Variants in PCDHGB3 observed in about 807,000 individuals in gnomAD.
The protein encoded by PCDHGB3 is protocadherin gamma-B3.
In PCDHGB3, 40 loss-of-function variants were observed where a neutral mutation model predicts 59.2. The observed-to-expected ratio is 0.68, with a 90% confidence interval of 0.52 to 0.88. The LOEUF is 0.88. Among genes scored for constraint, PCDHGB3 ranks in the 40% least tolerant of loss-of-function variants. The probability of loss-of-function intolerance (pLI) is 0.00; values close to 1 mark genes in which losing one functional copy is unlikely to be tolerated. For missense variants in PCDHGB3, 1,309 were observed against 1,187.9 expected (o/e 1.10, Z -1.50); for synonymous variants, 581 against 503.6 (o/e 1.15, Z -2.06).
At chr5:141,475,895 C>A (rs2099379056) in intron 1 of PCDHGB3, 1 of 568,558 alleles carries the variant, frequency 1.8e-6, no homozygotes, top group African/African-American at 1.9e-5. Context: ...ACTCTGTGTG[C>A]CGCTGTCGGC....
intron 1 of PCDHGB3, chr5:141,408,971 C>A: frequency 6.2e-7 from 1 of 1,613,816 alleles, no homozygotes; most frequent in Non-Finnish European, 8.5e-7. Context: ...AAATCTGCCC[C>A]CTGGGTCCCC....
At chr5:141,408,308 T>C in intron 1 of PCDHGB3, 1 of 1,613,744 alleles carries the variant, frequency 6.2e-7, no homozygotes, top group South Asian at 1.1e-5. Flanking sequence ...GATCCGCTAC[T>C]CGATTCCGGA....
chr5:141,408,972 C>T, intron 1 of PCDHGB3: 8 of 1,613,870 alleles, frequency 5.0e-6, no homozygotes, highest in Non-Finnish European at 5.9e-6. Flanking sequence ...AATCTGCCCC[C>T]TGGGTCCCCT....
intron 1 of PCDHGB3, chr5:141,433,284 C>T: frequency 8.5e-7 from 1 of 1,176,236 alleles, no homozygotes; most frequent in Non-Finnish European, 1.2e-6. Flanking sequence ...GCCTCAAACT[C>T]CTAGGCTCAA....
chr5:141,404,043 C>G (rs781644500), intron 1 of PCDHGB3: 1 of 1,613,726 alleles, frequency 6.2e-7, no homozygotes, highest in African/African-American at 1.3e-5. Flanking sequence ...CCTCAGGGAA[C>G]AGTAATTCTT....
At position 141,432,778 on chromosome 5, in the gene PCDHGB3, G is replaced by T; in HGVS notation, c.2415+59969G>T. The T allele has an allele frequency of 3.7e-6, 6 of 1,614,166 alleles. No individual in the cohort carries two copies. Among genetic ancestry groups the T allele is most frequent in the Non-Finnish European group, 5.1e-6 (6 of 1,180,002 alleles). ...CCGACAGCATCCCCCAAGTCCTGGCGGACCTCGGCAGCCTCGAGTCTCCAG... is the reference window on the plus strand; with the variant it reads ...CCGACAGCATCCCCCAAGTCCTGGCTGACCTCGGCAGCCTCGAGTCTCCAG... On this transcript the variant is annotated intron_variant, in intron 1 of 3. Transcript: ENST00000576222. The surrounding 1 kb of genome is among the most constrained non-coding windows in gnomAD (Gnocchi z 6.0).
At chr5:141,414,134 A>T in intron 1 of PCDHGB3, 1 of 1,595,028 alleles carries the variant, frequency 6.3e-7, no homozygotes, top group South Asian at 1.1e-5. Flanking sequence ...GGTTTCTATG[A>T]AATAGAAATA....
Position 141,432,377 on chromosome 5 carries a change from C to T in PCDHGB3, c.2415+59568C>T. 3.7e-6 allele frequency: 6 copies of T among 1,614,240 alleles called. No homozygotes were observed. Among genetic ancestry groups the T allele is most frequent in the Non-Finnish European group, 5.1e-6 (6 of 1,180,046 alleles). On this transcript the variant is annotated intron_variant, in intron 1 of 3. Transcript: ENST00000576222. This position sits in a 1 kb window ranked among gnomAD's most constrained non-coding sequence, Gnocchi z 6.0. ...AGTGATGGCGCGGGACAACGGGCAC[C>T]CGCCCCTCAGCAGCAACGTGTCGTT...
chr5:141,432,627 C>T lies in PCDHGB3; in HGVS notation c.2415+59818C>T. ...GGACTCTTCTCGGTGGGTCTGCACA[C>T]GGGCGAGGTGCGCACGGCGCGAGCC... On this transcript the variant is annotated intron_variant, in intron 1 of 3. Coordinates refer to ENST00000576222, the MANE Select transcript of PCDHGB3 (RefSeq NM_018924.5). This position sits in a 1 kb window ranked among gnomAD's most constrained non-coding sequence, Gnocchi z 6.0. 1.2e-6 allele frequency: 2 copies of T among 1,613,770 alleles called. No individual in the cohort carries two copies. Among genetic ancestry groups the T allele is most frequent in the Non-Finnish European group, 1.7e-6 (2 of 1,179,944 alleles).
intron 1 of PCDHGB3, chr5:141,409,865 C>A: frequency 6.2e-7 from 1 of 1,612,574 alleles, no homozygotes; most frequent in Non-Finnish European, 8.5e-7. Flanking sequence ...GGTGGGAGAC[C>A]GCAATGACAA....
chr5:141,467,710 G>A (rs1284029664), intron 1 of PCDHGB3, among the ~76,000 whole-genome samples: 1 of 152,122 alleles, frequency 6.6e-6, no homozygotes, highest in Non-Finnish European at 1.5e-5. Context: ...TGCCCAGGCT[G>A]GAGTGTAGTG....
chr5:141,477,223 T>C lies in PCDHGB3; in HGVS notation c.2416-17584T>C. The C allele has an allele frequency of 6.2e-7, 1 of 1,614,198 alleles. No homozygotes were observed. On this transcript the variant is annotated intron_variant, in intron 1 of 3. Coordinates refer to ENST00000576222, the MANE Select transcript of PCDHGB3 (RefSeq NM_018924.5). This position sits in a 1 kb window ranked among gnomAD's most constrained non-coding sequence, Gnocchi z 4.9. ...TACCCGAGGATGCCCCTCTGGGGAC[T>C]GTCATCGCTTTGCTCAGTGTGACTG... is the stretch of plus-strand genomic sequence containing the variant.
chr5:141,465,454 T>A (rs1031876441), intron 1 of PCDHGB3, among the ~76,000 whole-genome samples: 1 of 152,184 alleles, frequency 6.6e-6, no homozygotes, highest in Non-Finnish European at 1.5e-5. Flanking sequence ...AAGAAAACTC[T>A]CACCAAATTG....
chr5:141,394,654 C>T lies in PCDHGB3; in HGVS notation c.2415+21845C>T. ...TACCGCCTGCTCAAGGCCAGCGAGCCGGGACTCTTCTCGGTGGGTCTGCAC... is the reference window on the plus strand; with the variant it reads ...TACCGCCTGCTCAAGGCCAGCGAGCTGGGACTCTTCTCGGTGGGTCTGCAC... On this transcript the variant is annotated intron_variant, in intron 1 of 3. Coordinates refer to ENST00000576222, the MANE Select transcript of PCDHGB3 (RefSeq NM_018924.5). 1.9e-6 allele frequency: 3 copies of T among 1,613,236 alleles called. No homozygotes were observed. Among genetic ancestry groups the T allele is most frequent in the Non-Finnish European group, 2.5e-6 (3 of 1,179,928 alleles).
At chr5:141,423,557 G>A (rs1365715281) in intron 1 of PCDHGB3, 4 of 1,613,536 alleles carry the variant, frequency 2.5e-6, no homozygotes, top group East Asian at 2.2e-5. Context: ...CCCAACTATG[G>A]GGACACGCTC....
chr5:141,419,304 G>T, intron 1 of PCDHGB3: 1 of 1,613,994 alleles, frequency 6.2e-7, no homozygotes, highest in Non-Finnish European at 8.5e-7. Context: ...CCAGACTTCG[G>T]GCTCAACGGC....
Position 141,477,568 on chromosome 5 carries a change from C to T in PCDHGB3, c.2416-17239C>T, listed in dbSNP as rs2099413139. The T allele has an allele frequency of 6.2e-7, 1 of 1,614,172 alleles. No individual in the cohort carries two copies. The highest frequency in any genetic ancestry group is 1.7e-4 in the Middle Eastern group (1 of 6,060). On this transcript the variant is annotated intron_variant, in intron 1 of 3. Transcript: ENST00000576222. This position sits in a 1 kb window ranked among gnomAD's most constrained non-coding sequence, Gnocchi z 4.9. ...TACTAAACCTAAGTGTCTGGGACCC[C>T]GACGCCCCGCAGAATGCTCGGCTTT...
At position 141,371,751 on chromosome 5, in the gene PCDHGB3, C is replaced by T. The variant is rs1768003581; in HGVS notation, c.1357C>T (p.His453Tyr). ...TGTCAACGACAACGTTCCCGTTTTC[C>T]ACCAGGCCTCCTACACCGTGCATGT... ...LDVNDNVPVF[H>Y]QASYTVHVAE... Residue 453 changes from histidine to tyrosine, a missense_variant, in exon 1 of 4, where the codon CAC becomes TAC. Transcript: ENST00000576222. 1 of 1,613,918 alleles carries T rather than the reference C, an allele frequency of 6.2e-7. No individual in the cohort carries two copies.
Position 141,431,420 on chromosome 5 carries a change from G to C in PCDHGB3, c.2415+58611G>C, listed in dbSNP as rs780266425. The C allele has an allele frequency of 8.1e-6, 13 of 1,613,592 alleles. No individual in the cohort carries two copies. Among genetic ancestry groups the C allele is most frequent in the East Asian group, 2.2e-5 (1 of 44,902 alleles). ...TACGGCCTCCGACGGGGGCGACCCG[G>C]TGCGCACAGGCACCGCGCGCATCCG... is the stretch of plus-strand genomic sequence containing the variant. On this transcript the variant is annotated intron_variant, in intron 1 of 3. Transcript: ENST00000576222. This position sits in a 1 kb window ranked among gnomAD's most constrained non-coding sequence, Gnocchi z 4.8.
Sources: allele counts gnomAD v4.1 joint callset (sites outside exome capture counted in the v4.1 genomes callset), GRCh38; gene constraint gnomAD v4.1.1; non-coding constraint Gnocchi (gnomAD v3.1); transcripts MANE v1.5; gene names NCBI Gene and HGNC (gene_info 2026-07-23, HGNC 2026-07-21).